Variants in LPA observed in about 807,000 individuals in gnomAD.
The protein encoded by LPA is apolipoprotein(a).
Under a neutral mutation model 197.9 loss-of-function variants are expected in LPA, and 199 were observed. The observed-to-expected ratio is 1.01, with a 90% confidence interval of 0.90 to 1.13. LPA has a LOEUF of 1.13. Among genes scored for constraint, LPA ranks in the 50% most tolerant of loss-of-function variants. LPA has a pLI of 0.00. For synonymous variants in LPA, 715 were observed against 639.5 expected (o/e 1.12, Z -1.78); for missense variants, 1,853 against 1,785.8 (o/e 1.04, Z -0.68).
intron 28 of LPA, among the ~76,000 whole-genome samples, chr6:160,567,591 A>G (rs1778481289): frequency 6.6e-6 from 1 of 152,228 alleles, no homozygotes; most frequent in Non-Finnish European, 1.5e-5. Flanking sequence ...AGAACTAGAG[A>G]AGCAAGAGCA....
At chr6:160,610,766 G>C (rs1259517648) in intron 16 of LPA, among the ~76,000 whole-genome samples, 3 of 152,076 alleles carry the variant, frequency 2.0e-5, no homozygotes, top group Non-Finnish European at 2.9e-5. Flanking sequence ...CCATCTCCTT[G>C]CTATTCAGTG....
chr6:160,561,005 G>C (rs902031230), intron 28 of LPA, among the ~76,000 whole-genome samples: 1 of 152,054 alleles, frequency 6.6e-6, no homozygotes, highest in Non-Finnish European at 1.5e-5. Flanking sequence ...AACCTCCTCA[G>C]CTCATGCCAT....
At chr6:160,664,127 A>G (rs1024062262) in intron 1 of LPA, 39 bp downstream of exon 1, 21 of 1,554,722 alleles carry the variant, frequency 1.4e-5, no homozygotes, top group Non-Finnish European at 1.9e-5. Context: ...ATTGTGGGAG[A>G]AAAAATAATT....
In LPA at chr6:160,540,156, G is replaced by A; in HGVS notation, c.5622C>T (p.Val1874=). ...TCACTTCTTGGTGTGCACCCAGGAT[G>A]ACCTTGTAGGATGAAGGCCTTGAGG... ...KKSSRPSSYK[V]ILGAHQEVNL... Residue 1874 remains valine, a synonymous_variant, in exon 36 of 39, where the codon GTC becomes GTT. Transcript: ENST00000316300. 6.2e-7 allele frequency: 1 copy of A among 1,614,158 alleles called. No homozygotes were observed. Among genetic ancestry groups the A allele is most frequent in the Non-Finnish European group, 8.5e-7 (1 of 1,180,030 alleles).
Position 160,578,720 on chromosome 6 carries a change from C to T in LPA, c.4290-16G>A. On this transcript the variant is annotated splice_polypyrimidine_tract_variant and intron_variant, in intron 26 of 38. Transcript: ENST00000316300. ...GGTCAGGCCACTGCAAATTTCAAAA[C>T]AACACAGGTCACCAGAGATGGGAGA... The T allele has an allele frequency of 1.2e-6, 2 of 1,613,638 alleles. No individual in the cohort carries two copies. The highest frequency in any genetic ancestry group is 1.7e-6 in the Non-Finnish European group (2 of 1,179,850).
chr6:160,589,887 G>A (rs998256896), intron 23 of LPA, among the ~76,000 whole-genome samples, 175 bp from the exon 24 acceptor site: 2 of 152,226 alleles, frequency 1.3e-5, no homozygotes, highest in Non-Finnish European at 2.9e-5. Context: ...ATAGCATTCT[G>A]GAACTTCAAT....
chr6:160,549,739 G>A (rs41264330), intron 30 of LPA, among the ~76,000 whole-genome samples: 3,222 of 152,236 alleles, frequency 0.021, 94 homozygotes, highest in African/African-American at 0.064. Context: ...CTCTAGGATG[G>A]GTTCCTGGGC....
chr6:160,537,227 A>G (rs1451506943), intron 37 of LPA, among the ~76,000 whole-genome samples: 2 of 152,200 alleles, frequency 1.3e-5, no homozygotes, highest in Non-Finnish European at 2.9e-5. Context: ...TGCTGATACC[A>G]CATCATGCAC....
chr6:160,539,792 A>T (rs1777951211), intron 36 of LPA, among the ~76,000 whole-genome samples: 1 of 152,110 alleles, frequency 6.6e-6, no homozygotes, highest in Non-Finnish European at 1.5e-5. Context: ...GGTGAACATT[A>T]AGTAAGTTTT....
At chr6:160,663,931 A>T (rs1448997160) in intron 1 of LPA, among the ~76,000 whole-genome samples, 1 of 152,226 alleles carries the variant, frequency 6.6e-6, no homozygotes, top group Non-Finnish European at 1.5e-5. Context: ...ACACTCTTTT[A>T]GATTAGAAAA....
chr6:160,595,855 C>G (rs1186234911), intron 20 of LPA, among the ~76,000 whole-genome samples: 1 of 152,198 alleles, frequency 6.6e-6, no homozygotes, highest in Non-Finnish European at 1.5e-5. Flanking sequence ...TACAATTATA[C>G]TCTGTACATT....
intron 7 of LPA, among the ~76,000 whole-genome samples, chr6:160,634,758 G>A (rs1191938173): frequency 2.0e-5 from 3 of 151,622 alleles, no homozygotes; most frequent in Admixed American, 1.3e-4. Flanking sequence ...TGCACTGACT[G>A]CTGGCTACTT....
At chr6:160,590,860 G>A in intron 23 of LPA, 84 bp downstream of exon 23, 1 of 1,560,288 alleles carries the variant, frequency 6.4e-7, no homozygotes, top group East Asian at 2.3e-5. Flanking sequence ...CGTGCAGCAT[G>A]GAAGGCTTCT....
Position 160,586,638 on chromosome 6 carries a change from T to G in LPA, c.3948-8A>C. 1.2e-6 allele frequency: 2 copies of G among 1,613,546 alleles called. No individual in the cohort carries two copies. The highest frequency in any genetic ancestry group is 1.7e-6 in the Non-Finnish European group (2 of 1,179,756). On this transcript the variant is annotated splice_polypyrimidine_tract_variant and splice_region_variant and intron_variant, in intron 24 of 38. Transcript: ENST00000316300. ...TAGTTCCTGGTCAGGCCACTGCAAATTCCAAAACAATACAGGTCACCAGAG... is the reference window on the plus strand; with the variant it reads ...TAGTTCCTGGTCAGGCCACTGCAAAGTCCAAAACAATACAGGTCACCAGAG...
chr6:160,651,124 C>G (rs1779998061), intron 1 of LPA, among the ~76,000 whole-genome samples: 1 of 152,166 alleles, frequency 6.6e-6, no homozygotes, highest in Non-Finnish European at 1.5e-5. Context: ...AAACCCACCA[C>G]AGGTTCAAGT....
chr6:160,632,068 T>A (rs1779699493), intron 8 of LPA, among the ~76,000 whole-genome samples: 1 of 148,042 alleles, frequency 6.8e-6, no homozygotes, highest in African/African-American at 2.5e-5. Context: ...GGGTAATGTT[T>A]TCCTCTGAAA....
chr6:160,595,000 T>TA (rs1435824295), intron 21 of LPA, among the ~76,000 whole-genome samples: 1 of 152,148 alleles, frequency 6.6e-6, no homozygotes, highest in Non-Finnish European at 1.5e-5. Flanking sequence ...CTTGAAGAAA[T>TA]ACCATGAAAG....
At chr6:160,607,267 G>A (rs1779376071) in intron 16 of LPA, among the ~76,000 whole-genome samples, 1 of 151,988 alleles carries the variant, frequency 6.6e-6, no homozygotes, top group Admixed American at 6.6e-5. Context: ...ATATCATGTG[G>A]GTCAAATAGG....
intron 28 of LPA, among the ~76,000 whole-genome samples, chr6:160,565,946 G>A (rs1778445569): frequency 6.6e-6 from 1 of 152,214 alleles, no homozygotes; most frequent in East Asian, 1.9e-4. Context: ...AAGATCAAAT[G>A]AATGAAATGA....
Sources: allele counts gnomAD v4.1 joint callset (sites outside exome capture counted in the v4.1 genomes callset), GRCh38; gene constraint gnomAD v4.1.1; transcripts MANE v1.5; gene names NCBI Gene and HGNC (gene_info 2026-07-23, HGNC 2026-07-21).